The following NELL1 variants were observed in gnomAD, a reference collection of about 807,000 sequenced individuals.
NELL1 encodes protein kinase C-binding protein NELL1.
In NELL1, 76 loss-of-function variants were observed where a neutral mutation model predicts 107.4. That is an observed-to-expected ratio of 0.71 (90% CI 0.59 to 0.86). The LOEUF is 0.86. NELL1 is among the 40% of genes least tolerant of loss of function. The probability of loss-of-function intolerance (pLI) is 0.00; values close to 1 mark genes in which losing one functional copy is unlikely to be tolerated. For missense variants in NELL1, 1,024 were observed against 1,005.5 expected, an observed-to-expected ratio of 1.02 and a Z score of -0.25; for synonymous variants, 353 against 341.2, an observed-to-expected ratio of 1.03 and a Z score of -0.38.
intron 12 of NELL1, among the ~76,000 whole-genome samples, chr11:21,023,568 G>A (rs1272627647): frequency 7.9e-5 from 12 of 151,924 alleles, no homozygotes. Flanking sequence ...ATTCAATGCT[G>A]CTAAATTTTT....
intron 5 of NELL1, among the ~76,000 whole-genome samples, chr11:20,903,575 A>G (rs938542095): frequency 6.6e-6 from 1 of 152,074 alleles, no homozygotes; most frequent in Admixed American, 6.6e-5. Context: ...GATGGCCTAG[A>G]TTATGGTTTT....
intron 12 of NELL1, among the ~76,000 whole-genome samples, chr11:20,996,835 A>G (rs898698693): frequency 6.6e-6 from 1 of 152,060 alleles, no homozygotes; most frequent in Non-Finnish European, 1.5e-5. Context: ...ATCTCCGTAA[A>G]ACTGAACAGT....
intron 14 of NELL1, among the ~76,000 whole-genome samples, chr11:21,341,391 T>C (rs1402213364): frequency 6.6e-6 from 1 of 152,228 alleles, no homozygotes; most frequent in African/African-American, 2.4e-5. Context: ...TTTGGCGTAT[T>C]CTGTACATAT....
intron 12 of NELL1, among the ~76,000 whole-genome samples, chr11:21,074,546 G>A (rs1206612706): frequency 1.3e-5 from 2 of 152,136 alleles, no homozygotes; most frequent in African/African-American, 4.8e-5. Flanking sequence ...GCTGATGTAT[G>A]AGACTAGAGT....
chr11:20,934,034 G>A (rs192387580), intron 9 of NELL1, among the ~76,000 whole-genome samples: 170 of 152,212 alleles, frequency 1.1e-3, no homozygotes, highest in African/African-American at 4.0e-3. Flanking sequence ...AAAGATGTTC[G>A]AATGGAGTCC....
At chr11:21,217,394 G>A (rs1261049688) in intron 13 of NELL1, among the ~76,000 whole-genome samples, 1 of 152,086 alleles carries the variant, frequency 6.6e-6, no homozygotes, top group Non-Finnish European at 1.5e-5. Flanking sequence ...AGGTACATTG[G>A]GGGAAGCTGG....
chr11:21,180,026 T>G (rs550313920), intron 13 of NELL1, among the ~76,000 whole-genome samples: 3 of 142,174 alleles, frequency 2.1e-5, no homozygotes, highest in African/African-American at 7.8e-5. Flanking sequence ...CAATAAAACT[T>G]TACTTACACA....
At chr11:21,492,704 A>G (rs1478499542) in intron 15 of NELL1, among the ~76,000 whole-genome samples, 2 of 131,206 alleles carry the variant, frequency 1.5e-5, no homozygotes, top group African/African-American at 5.8e-5. Context: ...ATGAGAACAC[A>G]TGGACATAGG....
chr11:21,135,458 A>G (rs1855724685), intron 13 of NELL1, among the ~76,000 whole-genome samples: 1 of 152,172 alleles, frequency 6.6e-6, no homozygotes, highest in Admixed American at 6.5e-5. Flanking sequence ...TTACCAACTA[A>G]ATGGAGGATG....
intron 14 of NELL1, among the ~76,000 whole-genome samples, chr11:21,359,563 CA>C (rs1388956689): frequency 2.0e-4 from 31 of 152,134 alleles, no homozygotes; most frequent in African/African-American, 7.5e-4. Flanking sequence ...GGAATAGTTT[CA>C]GTGAGATTGG....
chr11:21,545,602 T>A (rs1856421947), intron 16 of NELL1, among the ~76,000 whole-genome samples: 1 of 152,040 alleles, frequency 6.6e-6, no homozygotes, highest in South Asian at 2.1e-4. Context: ...AGAAGCTTTT[T>A]AGTTTTCTGA....
At chr11:21,145,971 C>T (rs945705888) in intron 13 of NELL1, among the ~76,000 whole-genome samples, 7 of 152,132 alleles carry the variant, frequency 4.6e-5, no homozygotes, top group African/African-American at 7.2e-5. Context: ...GTTTGCAAGA[C>T]GTATTGGTTG....
intron 2 of NELL1, among the ~76,000 whole-genome samples, chr11:20,707,361 C>T (rs1049100414): frequency 6.6e-6 from 1 of 150,886 alleles, no homozygotes; most frequent in Non-Finnish European, 1.5e-5. Flanking sequence ...AAGTCTTCTT[C>T]CCTCAACTCG....
chr11:21,067,771 G>A (rs1015299568), intron 12 of NELL1, among the ~76,000 whole-genome samples: 6 of 151,850 alleles, frequency 4.0e-5, no homozygotes, highest in Admixed American at 2.0e-4. Flanking sequence ...GGTGGCTCAC[G>A]CCTGTAATCC....
intron 2 of NELL1, among the ~76,000 whole-genome samples, chr11:20,683,562 A>T (rs1854239504): frequency 6.6e-6 from 1 of 151,968 alleles, no homozygotes; most frequent in Non-Finnish European, 1.5e-5. Context: ...TCTTTTGTGT[A>T]ACTTTATATT....
chr11:20,693,950 C>T (rs1854544346), intron 2 of NELL1, among the ~76,000 whole-genome samples: 2 of 152,010 alleles, frequency 1.3e-5, no homozygotes, highest in African/African-American at 4.8e-5. Flanking sequence ...GGTCTTTTCA[C>T]ATAGTCCCAT....
At position 21,528,028 on chromosome 11, in the gene NELL1, C is replaced by G. The variant is rs541016690; in HGVS notation, c.1646-6346C>G. 4.6e-5 allele frequency among the ~76,000 whole-genome samples: 7 copies of G among 152,244 alleles called. No homozygotes were observed. The East Asian group carries it at 1.4e-3, about 29-fold the overall frequency. On this transcript the variant is annotated intron_variant, in intron 15 of 19. Transcript: ENST00000357134. ...AATACTTTGCATCCTTCAGTCCAAT[C>G]AAATTGACACTCAATATGAACCATC... is the stretch of plus-strand genomic sequence containing the variant.
intron 15 of NELL1, among the ~76,000 whole-genome samples, chr11:21,491,675 A>G (rs1854820063): frequency 6.6e-6 from 1 of 152,066 alleles, no homozygotes; most frequent in African/African-American, 2.4e-5. Flanking sequence ...TGTCTTGGCG[A>G]TGTGGGCTCT....
At chr11:21,116,668 G>C (rs1175680641) in intron 13 of NELL1, among the ~76,000 whole-genome samples, 1 of 151,854 alleles carries the variant, frequency 6.6e-6, no homozygotes, top group Non-Finnish European at 1.5e-5. Flanking sequence ...CTCCCCAGGG[G>C]TTACACTTGA....
Sources: allele counts gnomAD v4.1 joint callset (sites outside exome capture counted in the v4.1 genomes callset), GRCh38; gene constraint gnomAD v4.1.1; transcripts MANE v1.5; gene names NCBI Gene and HGNC (gene_info 2026-07-23, HGNC 2026-07-21).